MAP3K4: variants seen among roughly 807,000 people sequenced by gnomAD.
The protein encoded by MAP3K4 is MAP three kinase 1.
Under a neutral mutation model 185.6 loss-of-function variants are expected in MAP3K4, and 67 were observed. The observed-to-expected ratio is 0.36, with a 90% CI of 0.30 to 0.44. The LOEUF (loss-of-function observed/expected upper bound fraction) is 0.44. Among genes scored for constraint, MAP3K4 ranks in the 20% least tolerant of loss-of-function variants. The probability of loss-of-function intolerance (pLI) is 1.00; values close to 1 mark genes in which losing one functional copy is unlikely to be tolerated. For synonymous variants in MAP3K4, 702 were observed against 710.4 expected (o/e 0.99, Z 0.19); for missense variants, 1,551 against 1,995.1 (o/e 0.78, Z 4.24).
chr6:161,073,012 T>G lies in MAP3K4; in HGVS notation c.1951-454T>G, dbSNP rs1785019010. On this transcript the variant is annotated intron_variant, in intron 4 of 26. Transcript: ENST00000392142. This position sits in a 1 kb window ranked among gnomAD's most constrained non-coding sequence, Gnocchi z 4.2. ...GGGCCACAAATCACAGTAGGTAAAC[T>G]ATGCTAAATTATTGCGAAGGCCACC... 1.3e-5 allele frequency among the ~76,000 whole-genome samples: 2 copies of G among 152,230 alleles called. No individual in the cohort carries two copies. Among genetic ancestry groups the G allele is most frequent in the Non-Finnish European group, 2.9e-5 (2 of 68,040 alleles).
intron 1 of MAP3K4, among the ~76,000 whole-genome samples, chr6:161,010,617 T>G (rs925545290): frequency 6.6e-6 from 1 of 152,202 alleles, no homozygotes; most frequent in Admixed American, 6.5e-5. Context: ...GCAGATAAGC[T>G]TGACTGTGAC....
Position 161,091,950 on chromosome 6 carries a change from T to C in MAP3K4, c.3136-60T>C, listed in dbSNP as rs1683836664. 7.4e-7 allele frequency: 1 copy of C among 1,354,402 alleles called. No homozygotes were observed. Among genetic ancestry groups the C allele is most frequent in the Admixed American group, 1.7e-5 (1 of 58,266 alleles). The allele number at this position is 1,354,402 out of a possible 1,614,324, so 83.9% of individuals were successfully genotyped here. A position where few individuals can be genotyped will look rare whatever the true frequency, so the allele number is the denominator to read the frequency against. ...AAACATTTTAGACATGGCATTATAG[T>C]GTGTGATATTATTTAATGATCATTT... On this transcript the variant is annotated intron_variant, in intron 12 of 26. Coordinates refer to ENST00000392142, the MANE Select transcript of MAP3K4 (RefSeq NM_005922.4). The surrounding 1 kb of genome is among the most constrained non-coding windows in gnomAD (Gnocchi z 5.5).
intron 7 of MAP3K4, among the ~76,000 whole-genome samples, chr6:161,085,590 G>A (rs1785671856): frequency 6.6e-6 from 1 of 152,182 alleles, no homozygotes; most frequent in African/African-American, 2.4e-5. Flanking sequence ...CACATTTTGA[G>A]TTTCAGAACA....
At chr6:161,050,026 T>G in intron 3 of MAP3K4, 47 bp downstream of exon 3, 1 of 1,482,448 alleles carries the variant, frequency 6.7e-7, no homozygotes, top group Non-Finnish European at 9.1e-7. Context: ...TAGTTCCATT[T>G]ATTTATTGCA....
intron 1 of MAP3K4, among the ~76,000 whole-genome samples, chr6:161,003,401 T>A (rs1781422291): frequency 6.6e-6 from 1 of 152,244 alleles, no homozygotes; most frequent in Admixed American, 6.5e-5. Flanking sequence ...ATTAGTTCAT[T>A]CAGTCCTGTG....
rs1222890783 is a variant in MAP3K4, at chr6:161,092,109, A to G, written c.3235A>G (p.Thr1079Ala). The G allele has an allele frequency of 6.2e-7, 1 of 1,613,898 alleles. No individual in the cohort carries two copies. Among genetic ancestry groups the G allele is most frequent in the Admixed American group, 1.7e-5 (1 of 60,022 alleles). Reference protein sequence around the residue: ...FARKWMNYVLTKCESGRGTRP... With the variant: ...FARKWMNYVLAKCESGRGTRP... Reference sequence around the variant, plus strand: ...CCGGAAGTGGATGAATTATGTCCTGACTAAATGTGAGAGTGGTAGAGGTAC... The same window carrying G: ...CCGGAAGTGGATGAATTATGTCCTGGCTAAATGTGAGAGTGGTAGAGGTAC... The change falls in exon 13 of 27, where the codon ACT becomes GCT. Residue 1079 changes from threonine to alanine, a missense_variant. This residue lies in a region of MAP3K4 where 261 missense variants were observed against 306.5 expected (regional missense o/e 0.85). Transcript: ENST00000392142.
intron 5 of MAP3K4, among the ~76,000 whole-genome samples, chr6:161,079,499 C>T (rs190637186): frequency 6.6e-6 from 1 of 152,180 alleles, no homozygotes; most frequent in Non-Finnish European, 1.5e-5. Flanking sequence ...ATCGCTTGAA[C>T]CCGGGAGGCA....
intron 1 of MAP3K4, among the ~76,000 whole-genome samples, chr6:161,004,273 A>G (rs1396055239): frequency 6.6e-6 from 1 of 152,192 alleles, no homozygotes; most frequent in Admixed American, 6.5e-5. Context: ...TGTGTTGTCT[A>G]ATATCGAACA....
chr6:160,994,921 G>A (rs905145207), intron 1 of MAP3K4, among the ~76,000 whole-genome samples: 1 of 152,156 alleles, frequency 6.6e-6, no homozygotes, highest in Admixed American at 6.5e-5. Flanking sequence ...GGCTTGTCTT[G>A]AACTCCTGAC....
In MAP3K4 at chr6:161,015,230, A is replaced by G. The variant is rs904392810; in HGVS notation, c.153-19029A>G. On this transcript the variant is annotated intron_variant, in intron 1 of 26. Transcript: ENST00000392142. ...CTAACACAGGAACGGAAAACCAAAC[A>G]CCACATTTTCAATGAGAGCTGAACA... Among the ~76,000 whole-genome samples the G allele has an allele frequency of 2.0e-5, 3 of 151,836 alleles. 1 individual carries two copies. The highest frequency in any genetic ancestry group is 2.9e-5 in the Non-Finnish European group (2 of 67,992).
Position 161,073,370 on chromosome 6 carries a change from C to T in MAP3K4, c.1951-96C>T, listed in dbSNP as rs1233939216. On this transcript the variant is annotated intron_variant, in intron 4 of 26. Coordinates refer to ENST00000392142, the MANE Select transcript of MAP3K4 (RefSeq NM_005922.4). This position sits in a 1 kb window ranked among gnomAD's most constrained non-coding sequence, Gnocchi z 4.2. ...GTAGGTTTTTTAGAGGCAAGGTTCC[C>T]TCTGAGTTTTTTGAAGATTTAAGTA... 1.4e-5 allele frequency: 18 copies of T among 1,269,070 alleles called. No individual in the cohort carries two copies. In the Admixed American group the frequency reaches 2.2e-4, roughly 15 times the overall value. 78.6% of individuals were successfully genotyped at this position (1,269,070 alleles called of 1,614,324 possible). A position where few individuals can be genotyped will look rare whatever the true frequency, so the allele number is the denominator to read the frequency against.
At chr6:161,047,170 G>A (rs1277583903) in intron 2 of MAP3K4, among the ~76,000 whole-genome samples, 1 of 145,830 alleles carries the variant, frequency 6.9e-6, no homozygotes, top group Non-Finnish European at 1.5e-5. Flanking sequence ...GCCAGGCATA[G>A]TGGCTCATGC....
chr6:161,007,404 A>G lies in MAP3K4; in HGVS notation c.152+15321A>G, dbSNP rs934016626. Reference sequence around the variant, plus strand: ...AGATAGAGGGAGGGCTAATTTTACAATATGCAAGGACATGGTGGTCCTTTG... The same window carrying G: ...AGATAGAGGGAGGGCTAATTTTACAGTATGCAAGGACATGGTGGTCCTTTG... On this transcript the variant is annotated intron_variant, in intron 1 of 26. Transcript: ENST00000392142. The surrounding 1 kb of genome is among the most constrained non-coding windows in gnomAD (Gnocchi z 4.5). Among the ~76,000 whole-genome samples the G allele has an allele frequency of 6.6e-6, 1 of 152,146 alleles. No individual in the cohort carries two copies. Among genetic ancestry groups the G allele is most frequent in the Non-Finnish European group, 1.5e-5 (1 of 68,036 alleles).
chr6:161,002,811 T>C (rs1236967320), intron 1 of MAP3K4, among the ~76,000 whole-genome samples: 2 of 152,112 alleles, frequency 1.3e-5, no homozygotes, highest in Non-Finnish European at 2.9e-5. Context: ...CATGATGGTC[T>C]CGATCTTCTG....
chr6:161,003,277 T>TCGC (rs111756533), intron 1 of MAP3K4, among the ~76,000 whole-genome samples: 1 of 152,012 alleles, frequency 6.6e-6, no homozygotes, highest in Non-Finnish European at 1.5e-5. Context: ...AAAAGCATAT[T>TCGC]CTAAATTGTA....
chr6:161,001,132 A>T lies in MAP3K4; in HGVS notation c.152+9049A>T, dbSNP rs2115047362. 2.7e-5 allele frequency among the ~76,000 whole-genome samples: 4 copies of T among 146,534 alleles called. No individual in the cohort carries two copies. In the East Asian group the frequency reaches 7.9e-4, roughly 29 times the overall value. ...TATATTATATACACATATATAATAC[A>T]AGTGTATATAAGTATATATGTATAT... On this transcript the variant is annotated intron_variant, in intron 1 of 26. Transcript: ENST00000392142.
In MAP3K4 at chr6:161,108,307, A is replaced by C. The variant is rs1167090262; in HGVS notation, c.4119+338A>C. On this transcript the variant is annotated intron_variant, in intron 21 of 26. Transcript: ENST00000392142. The surrounding 1 kb of genome is among the most constrained non-coding windows in gnomAD (Gnocchi z 5.7). Reference sequence around the variant, plus strand: ...CACATTGGGGGAGAAGATAACATTTATGATAAGCTTCAGAAACAAGTGGCA... The same window carrying C: ...CACATTGGGGGAGAAGATAACATTTCTGATAAGCTTCAGAAACAAGTGGCA... Among the ~76,000 whole-genome samples the C allele has an allele frequency of 6.6e-6, 1 of 152,238 alleles. No individual in the cohort carries two copies. The highest frequency in any genetic ancestry group is 1.5e-5 in the Non-Finnish European group (1 of 68,042).
In MAP3K4 at chr6:161,082,222, T is replaced by C. The variant is rs1014256755; in HGVS notation, c.2255+1184T>C. 6.6e-6 allele frequency among the ~76,000 whole-genome samples: 1 copy of C among 152,004 alleles called. No homozygotes were observed. The highest frequency in any genetic ancestry group is 2.1e-4 in the South Asian group (1 of 4,812). On this transcript the variant is annotated intron_variant, in intron 6 of 26. Coordinates refer to ENST00000392142, the MANE Select transcript of MAP3K4 (RefSeq NM_005922.4). The surrounding 1 kb of genome is among the most constrained non-coding windows in gnomAD (Gnocchi z 4.2). ...GCTTGGTGCCCATAGTCAGCCTTTTTAAAAAAGGCATTCATTGTCATTTGC... is the reference window on the plus strand; with the variant it reads ...GCTTGGTGCCCATAGTCAGCCTTTTCAAAAAAGGCATTCATTGTCATTTGC...
rs541698421 is a variant in MAP3K4 at position 161,080,692 on chromosome 6, A to AT, written c.2098-183dup. 1.0e-4 allele frequency: 55 copies of AT among 542,254 alleles called. No individual in the cohort carries two copies. The highest frequency in any genetic ancestry group is 8.5e-4 in the African/African-American group (44 of 52,062). The allele number at this position is 542,254 out of a possible 1,614,324, so 33.6% of individuals were successfully genotyped here. A position where few individuals can be genotyped will look rare whatever the true frequency, so the allele number is the denominator to read the frequency against. On this transcript the variant is annotated intron_variant, in intron 5 of 26. Transcript: ENST00000392142. This position sits in a 1 kb window ranked among gnomAD's most constrained non-coding sequence, Gnocchi z 4.8. ...AAATTGCTGGGGAGTTAGTTTTGTG[A>AT]TTTTTTAAAAAATCCTCATTTAGAC...
Sources: allele counts gnomAD v4.1 joint callset (sites outside exome capture counted in the v4.1 genomes callset), GRCh38; gene constraint gnomAD v4.1.1; regional missense constraint gnomAD v4.1.1; non-coding constraint Gnocchi (gnomAD v3.1); transcripts MANE v1.5; gene names NCBI Gene and HGNC (gene_info 2026-07-23, HGNC 2026-07-21).